The following WASF3 variants were observed in gnomAD, a reference collection of about 807,000 sequenced individuals.
WASF3 encodes actin-binding protein WASF3.
In WASF3, 11 loss-of-function variants were observed where a neutral mutation model predicts 46.6. The ratio of observed to expected loss-of-function variants is 0.24; its 90% CI spans 0.15 to 0.39. The LOEUF (loss-of-function observed/expected upper bound fraction) is 0.39. Among genes scored for constraint, WASF3 ranks in the 10% least tolerant of loss-of-function variants. WASF3 has a pLI of 1.00. For missense variants in WASF3, 576 were observed against 669.8 expected, an observed-to-expected ratio of 0.86 and a Z score of 1.55; for synonymous variants, 242 against 259.7, an observed-to-expected ratio of 0.93 and a Z score of 0.65.
intron 4 of WASF3, among the ~76,000 whole-genome samples, chr13:26,666,591 A>G (rs17084457): frequency 0.06 from 9,064 of 152,170 alleles, 710 homozygotes; most frequent in African/African-American, 0.18. Context: ...GTCCACCTCA[A>G]AAAGTTTGAT....
At chr13:26,655,032 A>C (rs1438784570) in intron 3 of WASF3, among the ~76,000 whole-genome samples, 3 of 152,224 alleles carry the variant, frequency 2.0e-5, no homozygotes, top group Non-Finnish European at 4.4e-5. Context: ...CAAAAACAGT[A>C]CAAAGAATTT....
chr13:26,544,761 C>T, the WASF3 span, among the ~76,000 whole-genome samples: 861 of 152,294 alleles, frequency 5.7e-3, 10 homozygotes, highest in African/African-American at 0.02. Flanking sequence ...CAGGACTCCA[C>T]GTCAAGTGAT....
chr13:26,559,025 C>T (rs1180598775), intron 1 of WASF3, among the ~76,000 whole-genome samples: 1 of 152,128 alleles, frequency 6.6e-6, no homozygotes, highest in African/African-American at 2.4e-5. Flanking sequence ...ATGTGCTTTA[C>T]CCAACTCTCC....
chr13:26,576,246 GGA>G (rs566379618), intron 1 of WASF3, among the ~76,000 whole-genome samples: 8 of 151,628 alleles, frequency 5.3e-5, no homozygotes, highest in Non-Finnish European at 1.0e-4. Flanking sequence ...ATTCTCCCTT[GGA>G]CATCTTAATT....
chr13:26,636,826 G>T (rs538683630), intron 2 of WASF3, among the ~76,000 whole-genome samples: 2 of 152,300 alleles, frequency 1.3e-5, no homozygotes, highest in African/African-American at 2.4e-5. Flanking sequence ...TATCACAGGT[G>T]TGTTGCCCCC....
chr13:26,605,094 G>T (rs1272945633), intron 1 of WASF3, among the ~76,000 whole-genome samples: 3 of 152,074 alleles, frequency 2.0e-5, no homozygotes, highest in Admixed American at 6.5e-5. Context: ...CTGTCCAGCT[G>T]CCCTGCTGGC....
rs576524785 is a variant in WASF3, at chr13:26,600,803, A to C, written c.-108-12158A>C. Among the ~76,000 whole-genome samples, 5 of 152,232 alleles carry C rather than the reference A, an allele frequency of 3.3e-5. No individual in the cohort carries two copies. The East Asian group carries it at 9.7e-4, about 29-fold the overall frequency. The stretch of plus-strand genomic sequence containing the variant: ...TACCTCCAAGAAGAAACACTGTCGC[A>C]GCACTGTAGAATGTTAATGTCTCTT... On this transcript the variant is annotated intron_variant, in intron 1 of 9. Coordinates refer to ENST00000335327, the MANE Select transcript of WASF3 (RefSeq NM_006646.6).
chr13:26,647,943 C>T (rs1016502777), intron 3 of WASF3, among the ~76,000 whole-genome samples: 1 of 151,712 alleles, frequency 6.6e-6, no homozygotes, highest in South Asian at 2.1e-4. Flanking sequence ...AGCCCATACT[C>T]ACTGTACAGT....
intron 2 of WASF3, among the ~76,000 whole-genome samples, chr13:26,629,706 C>T (rs1881593416): frequency 6.6e-6 from 1 of 152,180 alleles, no homozygotes; most frequent in Admixed American, 6.5e-5. Context: ...ATGGGACTCA[C>T]TTGTATCCTG....
At chr13:26,621,096 G>GCCGTGTCATCTCCCATTCC (rs1158553709) in intron 2 of WASF3, among the ~76,000 whole-genome samples, 2 of 152,124 alleles carry the variant, frequency 1.3e-5, no homozygotes, top group African/African-American at 4.8e-5. Flanking sequence ...GGTCTGTGAT[G>GCCGTGTCATCTCCCATTCC]CCGTGTCATC....
intron 7 of WASF3, among the ~76,000 whole-genome samples, chr13:26,677,039 A>T (rs557109106): frequency 6.6e-6 from 1 of 152,338 alleles, no homozygotes; most frequent in Admixed American, 6.5e-5. Flanking sequence ...TTTTACTTTA[A>T]TAATCATTTA....
chr13:26,616,713 G>C (rs926895353), intron 2 of WASF3, among the ~76,000 whole-genome samples: 1 of 151,872 alleles, frequency 6.6e-6, no homozygotes, highest in Non-Finnish European at 1.5e-5. Context: ...TCTCTTTTTG[G>C]GGGGCTGTAC....
chr13:26,553,053 A>G (rs1879003322), upstream of WASF3, among the ~76,000 whole-genome samples: 1 of 152,218 alleles, frequency 6.6e-6, no homozygotes, highest in South Asian at 2.1e-4. Context: ...TTTTAAAAAT[A>G]GTTGTGAAGC....
intron 3 of WASF3, among the ~76,000 whole-genome samples, chr13:26,644,746 G>A (rs1174582028): frequency 2.6e-5 from 4 of 152,182 alleles, no homozygotes; most frequent in Non-Finnish European, 4.4e-5. Flanking sequence ...AATGACCACC[G>A]GTTAGGCAGA....
At chr13:26,572,424 T>A (rs1879667415) in intron 1 of WASF3, among the ~76,000 whole-genome samples, 2 of 152,218 alleles carry the variant, frequency 1.3e-5, no homozygotes, top group South Asian at 4.1e-4. Context: ...TTATTCTATA[T>A]ATATATTAGG....
intron 3 of WASF3, among the ~76,000 whole-genome samples, chr13:26,657,334 A>T (rs552554772): frequency 2.1e-4 from 32 of 152,298 alleles, no homozygotes; most frequent in African/African-American, 7.7e-4. Context: ...CTGTAACCAG[A>T]TGTATCCTCA....
At chr13:26,626,849 A>T (rs1376915904) in intron 2 of WASF3, among the ~76,000 whole-genome samples, 2 of 152,176 alleles carry the variant, frequency 1.3e-5, no homozygotes, top group Non-Finnish European at 2.9e-5. Flanking sequence ...TCAACAACAG[A>T]TCTTTAAAAT....
At chr13:26,643,155 C>T (rs1882050352) in intron 3 of WASF3, among the ~76,000 whole-genome samples, 1 of 152,086 alleles carries the variant, frequency 6.6e-6, no homozygotes, top group South Asian at 2.1e-4. Context: ...GCACTATTTT[C>T]CCCCAAACTT....
At chr13:26,573,971 A>AT (rs560662798) in intron 1 of WASF3, among the ~76,000 whole-genome samples, 1 of 151,998 alleles carries the variant, frequency 6.6e-6, no homozygotes, top group Non-Finnish European at 1.5e-5. Context: ...TTCATCTGTT[A>AT]TTTTTGCTGT....
Sources: allele counts gnomAD v4.1 joint callset (sites outside exome capture counted in the v4.1 genomes callset), GRCh38; gene constraint gnomAD v4.1.1; transcripts MANE v1.5; gene names NCBI Gene and HGNC (gene_info 2026-07-23, HGNC 2026-07-21).